MRAS: variants seen among roughly 807,000 people sequenced by gnomAD.
The protein encoded by MRAS is muscle RAS oncogene homolog.
MRAS carries 4 observed loss-of-function variants against 20.9 expected under a neutral mutation model. The ratio of observed to expected loss-of-function variants is 0.19; its 90% CI spans 0.09 to 0.44. The LOEUF (loss-of-function observed/expected upper bound fraction) is 0.44. Among genes scored for constraint, MRAS ranks in the 20% least tolerant of loss-of-function variants. The probability of loss-of-function intolerance (pLI) is 0.99; values close to 1 mark genes in which losing one functional copy is unlikely to be tolerated. For synonymous variants in MRAS, 98 were observed against 102.9 expected (o/e 0.95, Z 0.29); for missense variants, 154 against 277.5 (o/e 0.56, Z 3.16).
chr3:138,354,734 G>A (rs1038888681), intron 1 of MRAS, among the ~76,000 whole-genome samples: 1 of 152,218 alleles, frequency 6.6e-6, no homozygotes, highest in African/African-American at 2.4e-5. Context: ...TTGGAAGACA[G>A]AGAAAACATA....
chr3:138,404,749 T>C lies in MRAS; in HGVS notation c.*2480T>C, dbSNP rs2055425289. 1 of 152,184 alleles carries C rather than the reference T, an allele frequency of 6.6e-6. No individual in the cohort carries two copies. The highest frequency in any genetic ancestry group is 2.4e-5 in the African/African-American group (1 of 41,438). The allele number at this position is 152,184 out of a possible 1,614,324, so 9.4% of individuals were successfully genotyped here. The stretch of plus-strand genomic sequence containing the variant: ...CTTCCAGATAGGCCAGAGTAGAGTG[T>C]AGAGTGTGCCCCGTGACATCCCTCC... On this transcript the variant is annotated 3_prime_UTR_variant, in exon 6 of 6. Coordinates refer to ENST00000423968, the MANE Select transcript of MRAS (RefSeq NM_001085049.3).
chr3:138,353,866 C>T (rs2054276886), intron 1 of MRAS, among the ~76,000 whole-genome samples: 1 of 152,234 alleles, frequency 6.6e-6, no homozygotes, highest in Non-Finnish European at 1.5e-5. Context: ...CACCTGCAGT[C>T]ATAACCTGAG....
intron 1 of MRAS, among the ~76,000 whole-genome samples, chr3:138,356,803 C>T (rs1475899800): frequency 6.6e-6 from 1 of 152,206 alleles, no homozygotes; most frequent in Non-Finnish European, 1.5e-5. Flanking sequence ...CTGAGGAAGT[C>T]CAGCCCAGGA....
At chr3:138,373,303 A>T (rs575883962) in intron 2 of MRAS, among the ~76,000 whole-genome samples, 103 of 152,300 alleles carry the variant, frequency 6.8e-4, no homozygotes, top group African/African-American at 2.3e-3. Context: ...CAAAGAGGGG[A>T]GGCTAGAATC....
At position 138,392,044 on chromosome 3, in the gene MRAS, A is replaced by G. The variant is rs180748161; in HGVS notation, c.194-5280A>G. Among the ~76,000 whole-genome samples the G allele has an allele frequency of 4.4e-3, 675 of 152,334 alleles. 4 individuals carry two copies. The highest frequency in any genetic ancestry group is 0.015 in the African/African-American group (604 of 41,576). On this transcript the variant is annotated intron_variant, in intron 2 of 5. Transcript: ENST00000423968. Reference sequence around the variant, plus strand: ...TCCTAGCTACTCGGGAGGCTGAGGCAGGAGAATCGCTGGAACCCGGCAGGC... The same window carrying G: ...TCCTAGCTACTCGGGAGGCTGAGGCGGGAGAATCGCTGGAACCCGGCAGGC...
At chr3:138,378,044 C>T (rs2054820934) in intron 2 of MRAS, among the ~76,000 whole-genome samples, 1 of 152,328 alleles carries the variant, frequency 6.6e-6, no homozygotes, top group East Asian at 1.9e-4. Flanking sequence ...GGAAAATCCT[C>T]CCCCACAGCA....
chr3:138,365,163 T>C (rs983194735), intron 1 of MRAS, among the ~76,000 whole-genome samples: 19 of 152,268 alleles, frequency 1.2e-4, no homozygotes, highest in African/African-American at 3.9e-4. Context: ...ATAATCGGAA[T>C]CTACCTTCTA....
chr3:138,377,250 C>T (rs1305137902), intron 2 of MRAS, among the ~76,000 whole-genome samples: 3 of 152,204 alleles, frequency 2.0e-5, no homozygotes, highest in East Asian at 1.9e-4. Flanking sequence ...AGGCCTTCCT[C>T]GGGAATAGAC....
rs77957725 is a variant in MRAS, at chr3:138,394,368, G to T, written c.194-2956G>T. Among the ~76,000 whole-genome samples, 101 of 152,280 alleles carry T rather than the reference G, an allele frequency of 6.6e-4. 2 individuals are homozygous for T. In the East Asian group the frequency reaches 0.018, roughly 26 times the overall value. Reference sequence around the variant, plus strand: ...CTTTTATGCCCTGGGCACCTCTTGGGTCCTCTTGTCCATCACTGGCCCCTC... The same window carrying T: ...CTTTTATGCCCTGGGCACCTCTTGGTTCCTCTTGTCCATCACTGGCCCCTC... On this transcript the variant is annotated intron_variant, in intron 2 of 5. Coordinates refer to ENST00000423968, the MANE Select transcript of MRAS (RefSeq NM_001085049.3).
rs538588658 is a variant in MRAS at position 138,362,873 on chromosome 3, C to T, written c.-18-9993C>T. On this transcript the variant is annotated intron_variant, in intron 1 of 5. Transcript: ENST00000423968. ...ATCCCTTCCCCTGCCACTCTTACCC[C>T]CGACACCCATCGCCCCTGCCATGCA... Among the ~76,000 whole-genome samples, 31 of 152,246 alleles carry T rather than the reference C, an allele frequency of 2.0e-4. 1 individual carries two copies. The South Asian group carries it at 4.8e-3, about 23-fold the overall frequency.
At chr3:138,386,602 G>C (rs1221177737) in intron 2 of MRAS, among the ~76,000 whole-genome samples, 5 of 152,072 alleles carry the variant, frequency 3.3e-5, no homozygotes, top group African/African-American at 1.2e-4. Context: ...CCCTGCCTCA[G>C]CCTCCCGAGT....
Position 138,354,106 on chromosome 3 carries a change from T to C in MRAS, c.-19+5339T>C, listed in dbSNP as rs551530229. ...GAGCAGCCTGTGCACAAAGATGTGGTGAGGCAGCAGAGGTGCAGAAGACGC... is the reference window on the plus strand; with the variant it reads ...GAGCAGCCTGTGCACAAAGATGTGGCGAGGCAGCAGAGGTGCAGAAGACGC... On this transcript the variant is annotated intron_variant, in intron 1 of 5. Transcript: ENST00000423968. Among the ~76,000 whole-genome samples, 9 of 152,276 alleles carry C rather than the reference T, an allele frequency of 5.9e-5. No homozygotes were observed. The Middle Eastern group carries it at 0.01, about 173-fold the overall frequency.
At chr3:138,387,093 A>G (rs2055032467) in intron 2 of MRAS, among the ~76,000 whole-genome samples, 1 of 152,106 alleles carries the variant, frequency 6.6e-6, no homozygotes, top group Admixed American at 6.5e-5. Context: ...TCAATTCCTG[A>G]GCTGAGAGTG....
At chr3:138,400,995 A>C (rs2055348630) in intron 5 of MRAS, among the ~76,000 whole-genome samples, 1 of 152,150 alleles carries the variant, frequency 6.6e-6, no homozygotes, top group African/African-American at 2.4e-5. Context: ...ATATCAGAGC[A>C]CCCTTTGATA....
At chr3:138,373,191 G>C in intron 2 of MRAS, 115 bp downstream of exon 2, 1 of 985,176 alleles carries the variant, frequency 1.0e-6, no homozygotes. Flanking sequence ...GTTATGGGAT[G>C]GTTGATATAA....
chr3:138,357,247 C>T lies in MRAS; in HGVS notation c.-19+8480C>T, dbSNP rs2054354860. On this transcript the variant is annotated intron_variant, in intron 1 of 5. Coordinates refer to ENST00000423968, the MANE Select transcript of MRAS (RefSeq NM_001085049.3). The stretch of plus-strand genomic sequence containing the variant: ...CCCTTGCCCCAAGCGGGGCCTCTGG[C>T]AGTGCCTGGTGTTCAGGCAGGGAGG... Among the ~76,000 whole-genome samples, 3 of 152,344 alleles carry T rather than the reference C, an allele frequency of 2.0e-5. No homozygotes were observed. In the South Asian group the frequency reaches 6.2e-4, roughly 32 times the overall value.
intron 1 of MRAS, among the ~76,000 whole-genome samples, chr3:138,369,168 G>A (rs148137815): frequency 7.1e-4 from 108 of 152,332 alleles, no homozygotes; most frequent in African/African-American, 2.4e-3. Flanking sequence ...AGAAATGCGT[G>A]TTGAACCTCT....
chr3:138,395,481 T>G (rs2055217018), intron 2 of MRAS, among the ~76,000 whole-genome samples: 1 of 152,094 alleles, frequency 6.6e-6, no homozygotes, highest in South Asian at 2.1e-4. Context: ...CTTCTTGCCC[T>G]TGCACACCTC....
chr3:138,372,296 G>C (rs116118545), intron 1 of MRAS, among the ~76,000 whole-genome samples: 1 of 152,048 alleles, frequency 6.6e-6, no homozygotes, highest in African/African-American at 2.4e-5. Context: ...AATGATTCCC[G>C]CATGACTTTG....
Sources: allele counts gnomAD v4.1 joint callset (sites outside exome capture counted in the v4.1 genomes callset), GRCh38; gene constraint gnomAD v4.1.1; transcripts MANE v1.5; gene names NCBI Gene and HGNC (gene_info 2026-07-23, HGNC 2026-07-21).